The following MSH3 variants were observed in gnomAD, a reference collection of about 807,000 sequenced individuals.
MSH3 encodes DNA mismatch repair protein Msh3.
A neutral mutation model predicts 123.3 loss-of-function variants in MSH3; 106 were observed. That is an observed-to-expected ratio of 0.86 (90% CI 0.73 to 1.01). The LOEUF is 1.01. Among genes scored for constraint, MSH3 ranks in the 50% least tolerant of loss-of-function variants. MSH3 has a pLI of 0.00. For synonymous variants in MSH3, 515 were observed against 481.4 expected (o/e 1.07, Z -0.91); for missense variants, 1,459 against 1,347.6 (o/e 1.08, Z -1.29).
At chr5:80,762,764 T>C (rs1440081658) in intron 13 of MSH3, among the ~76,000 whole-genome samples, 1 of 150,094 alleles carries the variant, frequency 6.7e-6, no homozygotes, top group Non-Finnish European at 1.5e-5. Context: ...TGTTTTATTT[T>C]ATTTTATTTT....
At chr5:80,756,291 G>T (rs1378518816) in intron 12 of MSH3, among the ~76,000 whole-genome samples, 1 of 152,126 alleles carries the variant, frequency 6.6e-6, no homozygotes, top group African/African-American at 2.4e-5. Flanking sequence ...GGTTAAACAA[G>T]AATAGAGGAA....
chr5:80,803,644 T>C (rs1171004595), intron 19 of MSH3, among the ~76,000 whole-genome samples: 2 of 151,924 alleles, frequency 1.3e-5, no homozygotes, highest in East Asian at 3.9e-4. Context: ...CTCAAGAAGT[T>C]ATTGCCCAGA....
intron 8 of MSH3, among the ~76,000 whole-genome samples, chr5:80,701,019 CTCTT>C (rs1449442650): frequency 6.6e-6 from 1 of 152,172 alleles, no homozygotes; most frequent in Admixed American, 6.5e-5. Context: ...TGCATAAAGA[CTCTT>C]TATTTAGCTA....
intron 12 of MSH3, among the ~76,000 whole-genome samples, chr5:80,757,766 AT>A (rs1743954705): frequency 6.6e-6 from 1 of 152,120 alleles, no homozygotes; most frequent in African/African-American, 2.4e-5. Context: ...TCTGTCATTA[AT>A]TGCACTAAGA....
At chr5:80,660,886 C>T (rs1390800485) in intron 2 of MSH3, among the ~76,000 whole-genome samples, 2 of 152,098 alleles carry the variant, frequency 1.3e-5, no homozygotes, top group African/African-American at 4.8e-5. Context: ...CAACCTCTGC[C>T]CCGCCAAGTT....
chr5:80,756,720 A>C (rs1025906684), intron 12 of MSH3, among the ~76,000 whole-genome samples: 5 of 152,212 alleles, frequency 3.3e-5, no homozygotes, highest in African/African-American at 1.2e-4. Context: ...AATTGTTTGT[A>C]GACTAGCAAA....
chr5:80,864,864 G>GA lies in MSH3; in HGVS notation c.3059dup (p.Asn1020LysfsTer17). 1 of 1,613,552 alleles carries GA rather than the reference G, an allele frequency of 6.2e-7. No homozygotes were observed. The highest frequency in any genetic ancestry group is 8.5e-7 in the Non-Finnish European group (1 of 1,179,548). Reference sequence around the variant, plus strand: ...CCATTATCCGCCAGTTTGTGAACTAGAAAAAAATTACTCACACCAGGTGGG... The same window carrying GA: ...CCATTATCCGCCAGTTTGTGAACTAGAAAAAAAATTACTCACACCAGGTGGG... On this transcript the variant is annotated frameshift_variant, in exon 22 of 24. Coordinates refer to ENST00000265081, the MANE Select transcript of MSH3 (RefSeq NM_002439.5). LOFTEE classifies it high-confidence loss of function.
chr5:80,837,476 G>T (rs1745536100), intron 20 of MSH3, among the ~76,000 whole-genome samples: 1 of 152,156 alleles, frequency 6.6e-6, no homozygotes, highest in African/African-American at 2.4e-5. Flanking sequence ...CTACTCAGGA[G>T]GCTGAGGTGG....
intron 16 of MSH3, 121 bp downstream of exon 16, chr5:80,775,879 T>C (rs970842408): frequency 2.9e-6 from 2 of 679,236 alleles, no homozygotes; most frequent in Non-Finnish European, 5.2e-6. Flanking sequence ...TACTTATTTT[T>C]TCTGATGGAA....
At chr5:80,720,729 T>C in intron 8 of MSH3, among the ~76,000 whole-genome samples, 1 of 152,204 alleles carries the variant, frequency 6.6e-6, no homozygotes. Context: ...TTTTTTCTTA[T>C]CATAACTTTG....
At chr5:80,711,253 A>G (rs377428203) in intron 8 of MSH3, among the ~76,000 whole-genome samples, 53 of 152,102 alleles carry the variant, frequency 3.5e-4, no homozygotes, top group Non-Finnish European at 6.3e-4. Flanking sequence ...GAAATTCTCA[A>G]TCCTCCCTTG....
intron 21 of MSH3, among the ~76,000 whole-genome samples, chr5:80,863,124 C>T (rs1746041195): frequency 6.6e-6 from 1 of 152,172 alleles, no homozygotes; most frequent in African/African-American, 2.4e-5. Flanking sequence ...AAACTGATAT[C>T]ACGTCCCACC....
In MSH3 at chr5:80,843,556, C is replaced by T. The variant is rs545221529; in HGVS notation, c.2814-10574C>T. Among the ~76,000 whole-genome samples, 15 of 152,194 alleles carry T rather than the reference C, an allele frequency of 9.9e-5. No homozygotes were observed. The South Asian group carries it at 2.7e-3, about 27-fold the overall frequency. On this transcript the variant is annotated intron_variant, in intron 20 of 23. Transcript: ENST00000265081. ...TCCTGGACTTTTTTTGGTTGGTGGG[C>T]TATTAATTATTGCCTCAATTTCAGA...
chr5:80,751,409 G>A (rs902639963), intron 12 of MSH3, among the ~76,000 whole-genome samples: 1 of 152,102 alleles, frequency 6.6e-6, no homozygotes. Context: ...ATACAAACAA[G>A]CAATGGGGAA....
At chr5:80,850,180 C>T (rs1580089115) in intron 20 of MSH3, among the ~76,000 whole-genome samples, 1 of 152,208 alleles carries the variant, frequency 6.6e-6, no homozygotes, top group East Asian at 1.9e-4. Context: ...GAGACCACCT[C>T]AGCCTGGACC....
rs1182954788 is a variant in MSH3, at chr5:80,841,687, G to A, written c.2814-12443G>A. Among the ~76,000 whole-genome samples, 3 of 152,252 alleles carry A rather than the reference G, an allele frequency of 2.0e-5. No homozygotes were observed. The South Asian group carries it at 6.2e-4, about 32-fold the overall frequency. ...TGAGCATTTTTTCATATGTCTGTTGGCTGCATGAATGTTTTCTTTTGAGAA... is the reference window on the plus strand; with the variant it reads ...TGAGCATTTTTTCATATGTCTGTTGACTGCATGAATGTTTTCTTTTGAGAA... On this transcript the variant is annotated intron_variant, in intron 20 of 23. Transcript: ENST00000265081.
chr5:80,785,905 A>G (rs1476863702), intron 17 of MSH3, among the ~76,000 whole-genome samples: 1 of 145,592 alleles, frequency 6.9e-6, no homozygotes, highest in African/African-American at 2.5e-5. Flanking sequence ...AAAACCAAAC[A>G]CCACATGTTC....
Position 80,678,996 on chromosome 5 carries a change from G to C in MSH3, c.1243G>C (p.Glu415Gln). The C allele has an allele frequency of 1.2e-6, 2 of 1,614,170 alleles. No homozygotes were observed. Among genetic ancestry groups the C allele is most frequent in the Non-Finnish European group, 1.7e-6 (2 of 1,180,018 alleles). Residue 415 changes from glutamate to glutamine, a missense_variant, in exon 8 of 24, where the codon GAA (glutamate) becomes CAA (glutamine). By Grantham distance (29) the Glu-to-Gln change is conservative. Transcript: ENST00000265081. ...FQDSASRSELETRMSSLQPVE... is the reference protein window; with the variant it reads ...FQDSASRSELQTRMSSLQPVE... ...GGACTCTGCTTCTCGTTCAGAGCTAGAAACCCGGATGTCAAGCCTGCAGCC... is the reference window on the plus strand; with the variant it reads ...GGACTCTGCTTCTCGTTCAGAGCTACAAACCCGGATGTCAAGCCTGCAGCC...
At chr5:80,798,175 T>C (rs1744731553) in intron 19 of MSH3, among the ~76,000 whole-genome samples, 1 of 152,150 alleles carries the variant, frequency 6.6e-6, no homozygotes, top group Non-Finnish European at 1.5e-5. Flanking sequence ...TGTAGCTCTC[T>C]AGCCCAAGCA....
Sources: gnomAD v4.1 joint callset for allele counts (sites outside exome capture counted in the v4.1 genomes callset) on GRCh38, gnomAD v4.1.1 for gene constraint, MANE v1.5 for transcripts, NCBI Gene and HGNC (gene_info 2026-07-23, HGNC 2026-07-21) for gene names.